Variants in CPNE4 observed in about 807,000 individuals in gnomAD.
CPNE4 encodes the protein copine-4.
CPNE4 carries 25 observed loss-of-function variants against 67.9 expected under a neutral mutation model. The observed-to-expected ratio is 0.37, with a 90% confidence interval of 0.27 to 0.51. CPNE4 has a LOEUF of 0.51. CPNE4 is among the 20% of genes least tolerant of loss of function. The pLI, the probability that CPNE4 is intolerant of heterozygous loss-of-function variation, is 0.93. For synonymous variants in CPNE4, 242 were observed against 244.9 expected (o/e 0.99, Z 0.11); for missense variants, 464 against 690.8 (o/e 0.67, Z 3.68).
At chr3:131,746,420 C>T (rs1287732321) in intron 2 of CPNE4, among the ~76,000 whole-genome samples, 7 of 152,060 alleles carry the variant, frequency 4.6e-5, no homozygotes, top group Non-Finnish European at 1.0e-4. Context: ...CTCTCCAAGG[C>T]CTTCTCTCCC....
intron 1 of CPNE4, among the ~76,000 whole-genome samples, chr3:132,032,161 TAAGA>T (rs2074250167): frequency 6.6e-6 from 1 of 152,182 alleles, no homozygotes; most frequent in Admixed American, 6.5e-5. Context: ...TTTTTACACT[TAAGA>T]AACAACTCAG....
intron 1 of CPNE4, among the ~76,000 whole-genome samples, chr3:132,019,841 AG>A (rs1429140571): frequency 6.6e-6 from 1 of 152,188 alleles, no homozygotes; most frequent in Non-Finnish European, 1.5e-5. Flanking sequence ...TTCAGCCAAG[AG>A]GACCAGATAA....
chr3:131,701,835 A>C (rs1487802707), intron 3 of CPNE4, among the ~76,000 whole-genome samples: 1 of 152,208 alleles, frequency 6.6e-6, no homozygotes, highest in Non-Finnish European at 1.5e-5. Context: ...GACATACAGC[A>C]ACTGAGATAA....
At chr3:131,754,912 A>G (rs539315425) in intron 2 of CPNE4, among the ~76,000 whole-genome samples, 1 of 152,128 alleles carries the variant, frequency 6.6e-6, no homozygotes, top group Non-Finnish European at 1.5e-5. Flanking sequence ...TTACTCTACT[A>G]TATTCTTTTC....
chr3:132,012,358 G>C (rs79908667), intron 1 of CPNE4, among the ~76,000 whole-genome samples: 2 of 151,822 alleles, frequency 1.3e-5, no homozygotes, highest in Non-Finnish European at 2.9e-5. Flanking sequence ...TAGTAGAGAC[G>C]GTGTTTCACT....
chr3:131,792,672 C>CACACGTGTATATATGT (rs1560322350), intron 2 of CPNE4, among the ~76,000 whole-genome samples: 3,048 of 32,988 alleles, frequency 0.092, 213 homozygotes, highest in East Asian at 0.12. Context: ...TGTATATATA[C>CACACGTGTATATATGT]ATATATACAC....
At chr3:131,678,776 G>A (rs1318871068) in intron 6 of CPNE4, among the ~76,000 whole-genome samples, 1 of 152,058 alleles carries the variant, frequency 6.6e-6, no homozygotes, top group Non-Finnish European at 1.5e-5. Context: ...TTGCATCCTG[G>A]GGATGAAGCC....
Position 131,535,160 on chromosome 3 carries a change from A to G in CPNE4, c.*35T>C. ...TTAAATATGAAATATTAGCAGGAAT[A>G]GTATTTCAGAACTCTGTAAAACTGT... On this transcript the variant is annotated 3_prime_UTR_variant, in exon 16 of 16. Transcript: ENST00000429747. 6.4e-7 allele frequency: 1 copy of G among 1,553,836 alleles called. No homozygotes were observed. The highest frequency in any genetic ancestry group is 1.2e-5 in the South Asian group (1 of 81,606).
intron 1 of CPNE4, among the ~76,000 whole-genome samples, chr3:132,019,540 G>T (rs770896079): frequency 6.6e-6 from 1 of 152,036 alleles, no homozygotes; most frequent in Non-Finnish European, 1.5e-5. Flanking sequence ...TACATATACA[G>T]GAATAGGAAA....
At chr3:131,955,698 T>C (rs1430843961) in intron 1 of CPNE4, among the ~76,000 whole-genome samples, 3 of 152,132 alleles carry the variant, frequency 2.0e-5, no homozygotes, top group Non-Finnish European at 4.4e-5. Context: ...CGTTTCCTCT[T>C]ACAAACCTTT....
chr3:131,559,638 C>T (rs960077958), intron 11 of CPNE4, among the ~76,000 whole-genome samples: 6 of 151,914 alleles, frequency 3.9e-5, no homozygotes, highest in Admixed American at 1.3e-4. Context: ...AATTTTATTA[C>T]AGAAATATAC....
chr3:131,700,006 CA>C, intron 3 of CPNE4, 26 bp from the exon 4 acceptor site: 1 of 1,405,472 alleles, frequency 7.1e-7, no homozygotes, highest in Non-Finnish European at 9.7e-7. Context: ...CAAAAGGTAA[CA>C]AAAGGTAGAG....
At chr3:131,877,467 T>C (rs1274489934) in intron 2 of CPNE4, among the ~76,000 whole-genome samples, 2 of 152,170 alleles carry the variant, frequency 1.3e-5, no homozygotes, top group African/African-American at 4.8e-5. Flanking sequence ...TCCTCTAGCC[T>C]AGTTTTCTGA....
chr3:131,714,337 G>A (rs1428847395), intron 3 of CPNE4, among the ~76,000 whole-genome samples: 1 of 152,186 alleles, frequency 6.6e-6, no homozygotes, highest in Admixed American at 6.5e-5. Context: ...CTTATGTCAG[G>A]AAGGAAACCA....
intron 2 of CPNE4, among the ~76,000 whole-genome samples, chr3:131,856,300 T>G (rs2086440359): frequency 1.3e-5 from 2 of 151,912 alleles, no homozygotes; most frequent in South Asian, 4.1e-4. Context: ...TAGTCATCTC[T>G]TGAACTCCTG....
chr3:131,930,408 T>A (rs898298118), intron 1 of CPNE4, among the ~76,000 whole-genome samples: 1 of 151,884 alleles, frequency 6.6e-6, no homozygotes, highest in Admixed American at 6.6e-5. Context: ...CACCCTGACC[T>A]CATTCTTTCT....
At chr3:131,689,200 C>T (rs1301192542) in intron 5 of CPNE4, among the ~76,000 whole-genome samples, 1 of 152,122 alleles carries the variant, frequency 6.6e-6, no homozygotes, top group African/African-American at 2.4e-5. Flanking sequence ...GCTTAGTTTG[C>T]CATTCATAAT....
At chr3:131,913,567 A>T (rs1457459589) in intron 1 of CPNE4, among the ~76,000 whole-genome samples, 1 of 152,190 alleles carries the variant, frequency 6.6e-6, no homozygotes, top group Non-Finnish European at 1.5e-5. Context: ...CAAAAGGTCA[A>T]ACTGTGCACT....
At chr3:131,885,313 G>A (rs2087835774) in intron 2 of CPNE4, among the ~76,000 whole-genome samples, 1 of 149,948 alleles carries the variant, frequency 6.7e-6, no homozygotes, top group African/African-American at 2.4e-5. Flanking sequence ...AGATGATTTA[G>A]GGTATCTGGT....
Sources: allele counts gnomAD v4.1 joint callset (sites outside exome capture counted in the v4.1 genomes callset), GRCh38; gene constraint gnomAD v4.1.1; transcripts MANE v1.5; gene names NCBI Gene and HGNC (gene_info 2026-07-23, HGNC 2026-07-21).